ZNF814: variants seen among roughly 807,000 people sequenced by gnomAD.
ZNF814 encodes zinc finger protein 814.
In ZNF814, 5 loss-of-function variants were observed where a neutral mutation model predicts 7.5. The observed-to-expected ratio is 0.67, with a 90% CI of 0.35 to 1.40. ZNF814 has a LOEUF of 1.40. Among genes scored for constraint, ZNF814 ranks in the 40% most tolerant of loss-of-function variants. The pLI is 0.04. For synonymous variants in ZNF814, 315 were observed against 340.7 expected, an observed-to-expected ratio of 0.92 and a Z score of 0.83; for missense variants, 962 against 1,018.0, an observed-to-expected ratio of 0.94 and a Z score of 0.75.
chr19:57,888,929 C>A lies in ZNF814; in HGVS notation c.-127G>T. ...CGCCGTCACAGAGCTCCAGAGTAGC[C>A]TCTGTGCAGCGGAGGACAACTGCTC... On this transcript the variant is annotated 5_prime_UTR_variant, in exon 1 of 3. The change creates a new upstream start codon in the 5' untranslated region. Transcript: ENST00000435989. 2 of 1,054,170 alleles carry A rather than the reference C, an allele frequency of 1.9e-6. No homozygotes were observed. The highest frequency in any genetic ancestry group is 2.8e-6 in the Non-Finnish European group (2 of 712,040). 65.3% of individuals were successfully genotyped at this position (1,054,170 alleles called of 1,614,324 possible). A position where few individuals can be genotyped will look rare whatever the true frequency, so the allele number is the denominator to read the frequency against.
In ZNF814 at chr19:57,871,912, C is replaced by T. The variant is rs1383892993; in HGVS notation, c.*910G>A. On this transcript the variant is annotated 3_prime_UTR_variant, in exon 3 of 3. Coordinates refer to ENST00000435989, the MANE Select transcript of ZNF814 (RefSeq NM_001144989.2). ...ATCGCTTGAGCCAGGAGTTTAAGAC[C>T]AGCCTGGGCAACATGGTGAGACCCT... 1.3e-5 allele frequency among the ~76,000 whole-genome samples: 2 copies of T among 151,674 alleles called. No individual in the cohort carries two copies. The highest frequency in any genetic ancestry group is 2.9e-5 in the Non-Finnish European group (2 of 67,998).
Position 57,874,645 on chromosome 19 carries a change from T to G in ZNF814, c.745A>C (p.Lys249Gln), listed in dbSNP as rs1344211927. ...AAGCTAGCATATTTGCTAAAGGACTTCCCACATTCACAGCACACATAACAC... is the reference window on the plus strand; with the variant it reads ...AAGCTAGCATATTTGCTAAAGGACTGCCCACATTCACAGCACACATAACAC... ...EECYVCCECG[K>Q]SFSKYASLSN... Residue 249 changes from lysine (K) to glutamine (Q), a missense_variant, in exon 3 of 3, where the codon AAG becomes CAG. Lys to Gln is a moderately conservative substitution (Grantham distance 53, BLOSUM62 1). Coordinates refer to ENST00000435989, the MANE Select transcript of ZNF814 (RefSeq NM_001144989.2). 1 of 1,555,834 alleles carries G rather than the reference T, an allele frequency of 6.4e-7. No individual in the cohort carries two copies. The highest frequency in any genetic ancestry group is 8.7e-7 in the Non-Finnish European group (1 of 1,148,852).
chr19:57,901,116 G>A, the ZNF814 span, among the ~76,000 whole-genome samples: 14 of 152,110 alleles, frequency 9.2e-5, no homozygotes, highest in East Asian at 1.2e-3. Flanking sequence ...GATTACAGGC[G>A]TGAGCCACCG....
the ZNF814 span, among the ~76,000 whole-genome samples, chr19:57,896,197 T>G: frequency 6.7e-6 from 1 of 149,032 alleles, no homozygotes; most frequent in African/African-American, 2.5e-5. This position sits in a 1 kb window ranked among gnomAD's most constrained non-coding sequence, Gnocchi z 4.2. Flanking sequence ...AAAAAAGAAT[T>G]GGCAGAGATT....
chr19:57,888,989 C>T lies in ZNF814; in HGVS notation c.-187G>A, dbSNP rs757349693. The T allele has an allele frequency of 1.3e-5, 8 of 618,464 alleles. No individual in the cohort carries two copies. The highest frequency in any genetic ancestry group is 2.0e-5 in the Non-Finnish European group (7 of 354,696). The allele number at this position is 618,464 out of a possible 1,614,324, so 38.3% of individuals were successfully genotyped here. A position where few individuals can be genotyped will look rare whatever the true frequency, so the allele number is the denominator to read the frequency against. On this transcript the variant is annotated 5_prime_UTR_variant, in exon 1 of 3. Coordinates refer to ENST00000435989, the MANE Select transcript of ZNF814 (RefSeq NM_001144989.2). ...TGGGTTCAGTCACCACAGTGCGGAC[C>T]TAGCGCTCAGGAGCCTCTCCTACAA... is the stretch of plus-strand genomic sequence containing the variant.
chr19:57,890,860 A>T (rs778227403), upstream of ZNF814, among the ~76,000 whole-genome samples: 3 of 152,066 alleles, frequency 2.0e-5, no homozygotes, highest in Non-Finnish European at 2.9e-5. Flanking sequence ...CCCATCTGCA[A>T]CCTCTTTGTG....
rs573393854 is a variant in ZNF814, at chr19:57,887,996, C to T, written c.36+771G>A. On this transcript the variant is annotated intron_variant, in intron 1 of 2. Coordinates refer to ENST00000435989, the MANE Select transcript of ZNF814 (RefSeq NM_001144989.2). ...TGAAGAGTTGTTGCATTTAAGCTCC[C>T]CTCCCCTTCCTAAACCAAAGTATAA... 6.6e-5 allele frequency among the ~76,000 whole-genome samples: 10 copies of T among 152,176 alleles called. No homozygotes were observed. The South Asian group carries it at 1.7e-3, about 25-fold the overall frequency.
At chr19:57,891,351 C>T (rs2122480086), upstream of ZNF814, among the ~76,000 whole-genome samples, 1 of 148,988 alleles carries the variant, frequency 6.7e-6, no homozygotes, top group Non-Finnish European at 1.5e-5. Context: ...CGGTGAAATC[C>T]TGTCTCTACT....
In ZNF814 at chr19:57,874,229, T is replaced by A; in HGVS notation, c.1161A>T (p.Lys387Asn). Reference protein sequence around the residue: ...KRPYECGECGKSFSKYASFSN... With the variant: ...KRPYECGECGNSFSKYASFSN... ...TGAAGCTAGCATATTTGCTAAACGA[T>A]TTCCCACATTCTCCACATTCATAAG... Residue 387 changes from lysine to asparagine, a missense_variant, in exon 3 of 3, where the codon AAA becomes AAT. Coordinates refer to ENST00000435989, the MANE Select transcript of ZNF814 (RefSeq NM_001144989.2). 1 of 1,579,906 alleles carries A rather than the reference T, an allele frequency of 6.3e-7. No individual in the cohort carries two copies. The highest frequency in any genetic ancestry group is 8.6e-7 in the Non-Finnish European group (1 of 1,162,728).
the ZNF814 span, among the ~76,000 whole-genome samples, chr19:57,901,368 C>A: frequency 6.6e-6 from 1 of 152,080 alleles, no homozygotes; most frequent in African/African-American, 2.4e-5. Flanking sequence ...AGCAGCTGAA[C>A]AACACTTAAC....
the ZNF814 span, among the ~76,000 whole-genome samples, chr19:57,902,440 CT>C: frequency 9.9e-5 from 15 of 152,134 alleles, no homozygotes; most frequent in Admixed American, 2.0e-4. Flanking sequence ...ATTATCACCC[CT>C]ATTCCAAAAA....
At chr19:57,903,005 C>T in the ZNF814 span, among the ~76,000 whole-genome samples, 2 of 152,048 alleles carry the variant, frequency 1.3e-5, no homozygotes, top group Non-Finnish European at 2.9e-5. Flanking sequence ...ACATAAATAC[C>T]CGTTTTATCA....
In ZNF814 at chr19:57,873,705, G is replaced by T; in HGVS notation, c.1685C>A (p.Thr562Asn). The part of the protein sequence containing the change: ...ECGKSFSHKG[T>N]LILHQRVHPR... ...GTGAACTCGCTGATGTAGAATGAGG[G>T]TGCCTTTATGACTAAAAGATTTCCC... is the stretch of plus-strand genomic sequence containing the variant. The change falls in exon 3 of 3, where the codon ACC (threonine) becomes AAC (asparagine). Residue 562 changes from threonine (T) to asparagine (N), a missense_variant. Thr to Asn is a moderately conservative substitution (Grantham distance 65). Around this residue, in one of 7 missense-constraint regions of ZNF814, gnomAD observed 665 missense variants for 551.4 expected, o/e 1.21. Transcript: ENST00000435989. The T allele has an allele frequency of 6.2e-7, 1 of 1,610,402 alleles. No homozygotes were observed. Among genetic ancestry groups the T allele is most frequent in the Non-Finnish European group, 8.5e-7 (1 of 1,178,836 alleles).
intron 1 of ZNF814, among the ~76,000 whole-genome samples, chr19:57,880,505 C>G (rs542818397): frequency 2.3e-3 from 343 of 151,570 alleles, no homozygotes; most frequent in Admixed American, 3.5e-3. Context: ...TTTAGGGTTT[C>G]TCTAGTGTTT....
chr19:57,875,419 A>AT (rs2071598205), intron 2 of ZNF814, among the ~76,000 whole-genome samples, 193 bp from the exon 3 acceptor site: 1 of 152,226 alleles, frequency 6.6e-6, no homozygotes, highest in African/African-American at 2.4e-5. Flanking sequence ...AGGAGGCCTC[A>AT]TAAGTTAAAG....
rs1020561145 is a variant in ZNF814 at position 57,870,540 on chromosome 19, G to A, written c.*2282C>T. Reference sequence around the variant, plus strand: ...GACCTTGAGGAGAACAGCCCAGAATGAGTACAGGAATTCACAAAACCTTTA... The same window carrying A: ...GACCTTGAGGAGAACAGCCCAGAATAAGTACAGGAATTCACAAAACCTTTA... On this transcript the variant is annotated 3_prime_UTR_variant, in exon 3 of 3. Coordinates refer to ENST00000435989, the MANE Select transcript of ZNF814 (RefSeq NM_001144989.2). 5 of 152,160 alleles carry A rather than the reference G, an allele frequency of 3.3e-5. No homozygotes were observed. The highest frequency in any genetic ancestry group is 2.1e-4 in the South Asian group (1 of 4,826). 9.4% of individuals were successfully genotyped at this position (152,160 alleles called of 1,614,324 possible). A position where few individuals can be genotyped will look rare whatever the true frequency, so the allele number is the denominator to read the frequency against.
Position 57,875,057 on chromosome 19 carries a change from C to A in ZNF814, c.333G>T (p.Gln111His). Reference protein sequence around the residue: ...LGDILHVADHQGTHHKQKLHR... With the variant: ...LGDILHVADHHGTHHKQKLHR... ...GCAGTTTCTGCTTGTGATGTGTTCCCTGATGATCTGCCACATGCAAAATGT... is the reference window on the plus strand; with the variant it reads ...GCAGTTTCTGCTTGTGATGTGTTCCATGATGATCTGCCACATGCAAAATGT... The change falls in exon 3 of 3, where the codon CAG becomes CAT. Residue 111 changes from glutamine (Q) to histidine (H), a missense_variant. Coordinates refer to ENST00000435989, the MANE Select transcript of ZNF814 (RefSeq NM_001144989.2). 6.3e-7 allele frequency: 1 copy of A among 1,594,358 alleles called. No homozygotes were observed. The highest frequency in any genetic ancestry group is 1.1e-5 in the South Asian group (1 of 89,308).
chr19:57,883,281 C>A (rs1194584696), intron 1 of ZNF814, among the ~76,000 whole-genome samples: 1 of 151,562 alleles, frequency 6.6e-6, no homozygotes, highest in African/African-American at 2.4e-5. Flanking sequence ...TGGCATGAAC[C>A]CCAGGGGGGC....
chr19:57,878,581 C>T (rs1466085836), intron 1 of ZNF814, among the ~76,000 whole-genome samples: 3 of 151,482 alleles, frequency 2.0e-5, no homozygotes, highest in African/African-American at 7.3e-5. Context: ...TGCCTCAGCT[C>T]CTCAGTAGCT....
Sources: allele counts gnomAD v4.1 joint callset (sites outside exome capture counted in the v4.1 genomes callset), GRCh38; gene constraint gnomAD v4.1.1; regional missense constraint gnomAD v4.1.1; non-coding constraint Gnocchi (gnomAD v3.1); transcripts MANE v1.5; gene names NCBI Gene and HGNC (gene_info 2026-07-23, HGNC 2026-07-21).